FABP6: variants seen among roughly 807,000 people sequenced by gnomAD.
The protein encoded by FABP6 is gastrotropin.
A neutral mutation model predicts 14.9 loss-of-function variants in FABP6; 13 were observed. The ratio of observed to expected loss-of-function variants is 0.87; its 90% CI spans 0.57 to 1.39. The LOEUF (loss-of-function observed/expected upper bound fraction) is 1.39. FABP6 is among the 40% of genes most tolerant of loss of function. The probability of loss-of-function intolerance (pLI) is 0.00; values close to 1 mark genes in which losing one functional copy is unlikely to be tolerated. For missense variants in FABP6, 161 were observed against 167.2 expected (o/e 0.96, Z 0.20); for synonymous variants, 75 against 63.6 (o/e 1.18, Z -0.85).
intron 1 of FABP6, among the ~76,000 whole-genome samples, chr5:160,194,740 T>A (rs1759476327): frequency 6.6e-6 from 1 of 152,040 alleles, no homozygotes; most frequent in African/African-American, 2.4e-5. Context: ...TGACCCCTCA[T>A]GTCCCACCTT....
intron 1 of FABP6, among the ~76,000 whole-genome samples, chr5:160,192,174 T>C (rs1759407359): frequency 6.6e-6 from 1 of 151,952 alleles, no homozygotes; most frequent in African/African-American, 2.4e-5. Flanking sequence ...TCCCTGGCAA[T>C]CCCCACTGGT....
intron 1 of FABP6, among the ~76,000 whole-genome samples, chr5:160,192,838 T>C (rs935306340): frequency 1.3e-5 from 2 of 152,170 alleles, no homozygotes; most frequent in South Asian, 2.1e-4. Flanking sequence ...CACGCTGGGG[T>C]TGATGGCTCA....
At chr5:160,231,812 C>T (rs926593109) in intron 1 of FABP6, among the ~76,000 whole-genome samples, 1 of 152,194 alleles carries the variant, frequency 6.6e-6, no homozygotes, top group Non-Finnish European at 1.5e-5. Flanking sequence ...AGGAGCTTCA[C>T]AAACACACTC....
intron 1 of FABP6, among the ~76,000 whole-genome samples, chr5:160,231,520 A>G (rs1299395093): frequency 6.6e-6 from 1 of 152,196 alleles, no homozygotes; most frequent in African/African-American, 2.4e-5. Context: ...CAGCCTCTCA[A>G]GTAGCCAGTA....
chr5:160,220,825 C>T (rs1170571244), intron 3 of FABP6, among the ~76,000 whole-genome samples: 3 of 151,830 alleles, frequency 2.0e-5, no homozygotes, highest in African/African-American at 4.8e-5. Flanking sequence ...CCGTGGCTCA[C>T]GCCTGTAATC....
At chr5:160,194,496 G>A (rs1166865703) in intron 1 of FABP6, among the ~76,000 whole-genome samples, 1 of 152,058 alleles carries the variant, frequency 6.6e-6, no homozygotes, top group Non-Finnish European at 1.5e-5. Context: ...AGCCATGATT[G>A]CACCATTGCA....
chr5:160,213,838 G>C (rs762570833), intron 3 of FABP6: 1 of 1,603,014 alleles, frequency 6.2e-7, no homozygotes, highest in Non-Finnish European at 8.5e-7. Context: ...TAGAAGAAGG[G>C]AGGGAAGGGT....
chr5:160,213,814 G>C (rs1193520497), exon 3 of FABP6: 1 of 1,613,436 alleles, frequency 6.2e-7, no homozygotes, highest in Admixed American at 1.7e-5. Context: ...GACACATAAA[G>C]GAAAGGTATG....
intron 1 of FABP6, among the ~76,000 whole-genome samples, chr5:160,194,255 C>T (rs1015045237): frequency 1.3e-5 from 2 of 152,236 alleles, no homozygotes; most frequent in Admixed American, 6.5e-5. Flanking sequence ...CGCACGCATC[C>T]GCACGCAGCC....
chr5:160,226,385 C>T (rs970394265), upstream of FABP6, among the ~76,000 whole-genome samples: 5 of 151,708 alleles, frequency 3.3e-5, no homozygotes, highest in Non-Finnish European at 7.4e-5. Context: ...ACATGGAAAA[C>T]CCCGTCTCTA....
chr5:160,221,701 G>C (rs1291587006), intron 3 of FABP6, among the ~76,000 whole-genome samples: 1 of 113,560 alleles, frequency 8.8e-6, no homozygotes, highest in Non-Finnish European at 1.8e-5. Flanking sequence ...TTTGAATAAT[G>C]GATGGAGTTT....
chr5:160,205,652 G>A (rs1374792511), intron 2 of FABP6, among the ~76,000 whole-genome samples: 5 of 152,198 alleles, frequency 3.3e-5, no homozygotes, highest in Non-Finnish European at 7.3e-5. Context: ...AATGACATTT[G>A]GAAAGAAGTT....
rs17856662 is a variant in FABP6 at position 160,232,128 on chromosome 5, G to T, written c.98G>T (p.Arg33Leu). The T allele has an allele frequency of 6.2e-6, 10 of 1,613,832 alleles. No homozygotes were observed. In the African/African-American group the frequency reaches 1.1e-4, roughly 17 times the overall value. ...GISSDVIEKA[R>L]NFKIVTEVQQ... Reference sequence around the variant, plus strand: ...TCCAGCGATGTAATCGAAAAGGCCCGCAACTTCAAGATCGTCACGGAGGTG... The same window carrying T: ...TCCAGCGATGTAATCGAAAAGGCCCTCAACTTCAAGATCGTCACGGAGGTG... Residue 33 changes from arginine to leucine, a missense_variant, in exon 2 of 4, where the codon CGC becomes CTC. Arg to Leu is a moderately radical substitution (Grantham distance 102, BLOSUM62 -2). Transcript: ENST00000402432.
At chr5:160,188,897 C>CT (rs1759343603) in intron 1 of FABP6, among the ~76,000 whole-genome samples, 3 of 152,210 alleles carry the variant, frequency 2.0e-5, no homozygotes, top group Non-Finnish European at 4.4e-5. Context: ...CTGGGTGGTG[C>CT]TTATCCAGTC....
chr5:160,238,588 C>A lies in FABP6; in HGVS notation c.334-18C>A, dbSNP rs768721422. 1.2e-6 allele frequency: 2 copies of A among 1,613,522 alleles called. No individual in the cohort carries two copies. The highest frequency in any genetic ancestry group is 1.1e-5 in the South Asian group (1 of 91,064). Reference sequence around the variant, plus strand: ...GGGGTGGGGCACTGACTCCCTCTGTCCCGGCTGCTTCTTTCAGGTCTCCAC... The same window carrying A: ...GGGGTGGGGCACTGACTCCCTCTGTACCGGCTGCTTCTTTCAGGTCTCCAC... On this transcript the variant is annotated intron_variant, in intron 3 of 3. Coordinates refer to ENST00000402432, the MANE Select transcript of FABP6 (RefSeq NM_001445.3).
intron 2 of FABP6, among the ~76,000 whole-genome samples, chr5:160,200,652 G>A (rs1282810238): frequency 6.6e-6 from 1 of 152,132 alleles, no homozygotes; most frequent in Non-Finnish European, 1.5e-5. Context: ...GACCTCAGGT[G>A]ATCCACCCGC....
intron 2 of FABP6, among the ~76,000 whole-genome samples, chr5:160,208,396 C>T (rs752937983): frequency 6.6e-6 from 1 of 151,994 alleles, no homozygotes; most frequent in Non-Finnish European, 1.5e-5. Context: ...TAAAATCATG[C>T]CACTGCATTC....
intron 3 of FABP6, among the ~76,000 whole-genome samples, chr5:160,237,746 G>A (rs890748725): frequency 1.3e-5 from 2 of 152,080 alleles, no homozygotes; most frequent in African/African-American, 4.8e-5. Context: ...AATTCTACAG[G>A]TATGCTCTCC....
chr5:160,211,870 G>A (rs1220983663), intron 2 of FABP6, among the ~76,000 whole-genome samples: 3 of 152,110 alleles, frequency 2.0e-5, no homozygotes, highest in African/African-American at 7.2e-5. Context: ...TATAGGCCCT[G>A]CCCTGCACAG....
Sources: gnomAD v4.1 joint callset for allele counts (sites outside exome capture counted in the v4.1 genomes callset) on GRCh38, gnomAD v4.1.1 for gene constraint, MANE v1.5 for transcripts, NCBI Gene and HGNC (gene_info 2026-07-23, HGNC 2026-07-21) for gene names.